PRKN: variants seen among roughly 807,000 people sequenced by gnomAD.
PRKN encodes E3 ubiquitin-protein ligase parkin.
In PRKN, 56 loss-of-function variants were observed where a neutral mutation model predicts 59.5. The ratio of observed to expected loss-of-function variants is 0.94; its 90% CI spans 0.76 to 1.18. PRKN has a LOEUF of 1.18. Among genes scored for constraint, PRKN ranks in the 50% most tolerant of loss-of-function variants. PRKN has a pLI of 0.00. For missense variants in PRKN, 657 were observed against 596.4 expected, an observed-to-expected ratio of 1.10 and a Z score of -1.06; for synonymous variants, 250 against 222.1, an observed-to-expected ratio of 1.13 and a Z score of -1.12.
chr6:162,600,157 T>TGGAAA, intron 1 of PRKN, among the ~76,000 whole-genome samples: 2 of 152,158 alleles, frequency 1.3e-5, no homozygotes, highest in Non-Finnish European at 2.9e-5. Context: ...TCCCTAACTC[T>TGGAAA]CAGCAGTAAC....
intron 2 of PRKN, among the ~76,000 whole-genome samples, chr6:162,437,088 T>C (rs1282648790): frequency 1.6e-5 from 2 of 122,398 alleles, no homozygotes; most frequent in Non-Finnish European, 3.2e-5. Flanking sequence ...CGAGACTCTG[T>C]CTCAAAAAAA....
chr6:162,104,025 C>T (rs975005012), intron 4 of PRKN, among the ~76,000 whole-genome samples: 2 of 152,198 alleles, frequency 1.3e-5, no homozygotes, highest in African/African-American at 4.8e-5. Flanking sequence ...CCATGAAGGG[C>T]TCAAAGCAAA....
chr6:161,903,808 T>A (rs529204795), intron 6 of PRKN, among the ~76,000 whole-genome samples: 3 of 151,912 alleles, frequency 2.0e-5, no homozygotes, highest in Admixed American at 1.3e-4. Flanking sequence ...TTTTCTTTTT[T>A]TTTTTTTAAT....
intron 6 of PRKN, among the ~76,000 whole-genome samples, chr6:161,850,496 A>C (rs1793382280): frequency 7.0e-6 from 1 of 143,458 alleles, no homozygotes; most frequent in African/African-American, 2.6e-5. Flanking sequence ...GAATCGCTTG[A>C]ACCCGGGAGG....
intron 1 of PRKN, among the ~76,000 whole-genome samples, chr6:162,713,999 A>T (rs1446839079): frequency 6.6e-6 from 1 of 152,240 alleles, no homozygotes; most frequent in Non-Finnish European, 1.5e-5. Context: ...CAATAAAAAT[A>T]AAATAAATGG....
rs79646850 is a variant in PRKN at position 162,169,240 on chromosome 6, C to A, written c.534+31891G>T. ...CAAAGTCAGAAATCAAGAACCAAAG[C>A]CCAGTTCTAACGTGTTTTATTAGCT... On this transcript the variant is annotated intron_variant, in intron 4 of 11. Transcript: ENST00000366898. Among the ~76,000 whole-genome samples the A allele has an allele frequency of 2.1e-3, 316 of 152,248 alleles. 2 individuals carry two copies. The highest frequency in any genetic ancestry group is 7.2e-3 in the African/African-American group (300 of 41,542).
At chr6:162,118,072 G>T (rs1780750854) in intron 4 of PRKN, among the ~76,000 whole-genome samples, 1 of 151,852 alleles carries the variant, frequency 6.6e-6, no homozygotes, top group African/African-American at 2.4e-5. Flanking sequence ...CTCCAGTCTG[G>T]GCGACAAGAG....
chr6:161,884,719 C>T (rs1353174420), intron 6 of PRKN, among the ~76,000 whole-genome samples: 1 of 152,176 alleles, frequency 6.6e-6, no homozygotes, highest in East Asian at 1.9e-4. Context: ...GAAATTAGTT[C>T]TTGTACCTCT....
At chr6:162,443,500 G>A in intron 1 of PRKN, 27 bp from the exon 2 acceptor site, 1 of 1,610,924 alleles carries the variant, frequency 6.2e-7, no homozygotes. Context: ...GAAGGGAGAA[G>A]AGAAAGTGAG....
chr6:162,214,517 C>A (rs1331520510), intron 3 of PRKN, among the ~76,000 whole-genome samples: 1 of 152,142 alleles, frequency 6.6e-6, no homozygotes, highest in Non-Finnish European at 1.5e-5. Flanking sequence ...TAAATTTAAA[C>A]AGCCAGTTCT....
In PRKN at chr6:161,468,779, T is replaced by C. The variant is rs2115185855; in HGVS notation, c.1083+80075A>G. On this transcript the variant is annotated intron_variant, in intron 9 of 11. Transcript: ENST00000366898. This position sits in a 1 kb window ranked among gnomAD's most constrained non-coding sequence, Gnocchi z 5.9. ...TCAAGGACAGGAAAGTCATGCACAG[T>C]GTATGTTCATTCATTTGTGAAGTTG... Among the ~76,000 whole-genome samples the C allele has an allele frequency of 6.6e-6, 1 of 152,278 alleles. No individual in the cohort carries two copies. The highest frequency in any genetic ancestry group is 2.4e-5 in the African/African-American group (1 of 41,560).
At chr6:162,300,662 C>T (rs1781902142) in intron 2 of PRKN, among the ~76,000 whole-genome samples, 1 of 152,102 alleles carries the variant, frequency 6.6e-6, no homozygotes, top group African/African-American at 2.4e-5. Flanking sequence ...CGGGCAAGCT[C>T]AGTCACTCAA....
At chr6:161,849,618 G>A (rs956435980) in intron 6 of PRKN, among the ~76,000 whole-genome samples, 18 of 152,070 alleles carry the variant, frequency 1.2e-4, no homozygotes, top group African/African-American at 4.3e-4. Context: ...CCTTCCTTTT[G>A]AGATTTTTCT....
intron 4 of PRKN, among the ~76,000 whole-genome samples, chr6:162,147,083 G>A (rs1341316494): frequency 1.3e-5 from 2 of 149,266 alleles, no homozygotes; most frequent in African/African-American, 4.9e-5. Flanking sequence ...GCTCAGGCCT[G>A]TAATCCCAGC....
At chr6:162,025,930 G>A (rs962719752) in intron 5 of PRKN, among the ~76,000 whole-genome samples, 1 of 152,010 alleles carries the variant, frequency 6.6e-6, no homozygotes, top group Non-Finnish European at 1.5e-5. Flanking sequence ...GAGCAATCAA[G>A]GCTTGGTAGA....
At chr6:161,828,951 T>C (rs1160196248) in intron 6 of PRKN, among the ~76,000 whole-genome samples, 1 of 147,938 alleles carries the variant, frequency 6.8e-6, no homozygotes, top group South Asian at 2.1e-4. Flanking sequence ...AAAGAGCCGG[T>C]TGCGACGGCT....
rs543880028 is a variant in PRKN, at chr6:161,488,331, G to A, written c.1083+60523C>T. Among the ~76,000 whole-genome samples, 1 of 152,328 alleles carries A rather than the reference G, an allele frequency of 6.6e-6. No individual in the cohort carries two copies. Among genetic ancestry groups the A allele is most frequent in the South Asian group, 2.1e-4 (1 of 4,828 alleles). On this transcript the variant is annotated intron_variant, in intron 9 of 11. Transcript: ENST00000366898. This position sits in a 1 kb window ranked among gnomAD's most constrained non-coding sequence, Gnocchi z 4.5. Reference sequence around the variant, plus strand: ...TGATCGGGCCGAGGACAGAAGGCCAGGTCACATAGGTCTTTGTAGTGTGAG... The same window carrying A: ...TGATCGGGCCGAGGACAGAAGGCCAAGTCACATAGGTCTTTGTAGTGTGAG...
At chr6:161,712,455 A>C (rs1786789500) in intron 7 of PRKN, among the ~76,000 whole-genome samples, 1 of 152,314 alleles carries the variant, frequency 6.6e-6, no homozygotes, top group East Asian at 1.9e-4. Flanking sequence ...ATCCAGTATT[A>C]GAATCCATTT....
At chr6:161,481,689 G>A (rs1406300972) in intron 9 of PRKN, among the ~76,000 whole-genome samples, 1 of 152,190 alleles carries the variant, frequency 6.6e-6, no homozygotes, top group East Asian at 1.9e-4. Context: ...AGGGTAGGTA[G>A]TGAATCTGGT....
Sources: gnomAD v4.1 joint callset for allele counts (sites outside exome capture counted in the v4.1 genomes callset) on GRCh38, gnomAD v4.1.1 for gene constraint, Gnocchi (gnomAD v3.1) non-coding constraint, MANE v1.5 for transcripts, NCBI Gene and HGNC (gene_info 2026-07-23, HGNC 2026-07-21) for gene names.